MECOM: variants seen among roughly 807,000 people sequenced by gnomAD.
The protein encoded by MECOM is MDS1 and EVI1 complex locus.
In MECOM, 13 loss-of-function variants were observed where a neutral mutation model predicts 116.3. The ratio of observed to expected loss-of-function variants is 0.11; its 90% CI spans 0.07 to 0.18. The LOEUF (loss-of-function observed/expected upper bound fraction) is 0.18. Among genes scored for constraint, MECOM ranks in the 10% least tolerant of loss-of-function variants. The pLI is 1.00. For synonymous variants in MECOM, 528 were observed against 535.2 expected (o/e 0.99, Z 0.19); for missense variants, 1,299 against 1,509.0 (o/e 0.86, Z 2.31).
intron 1 of MECOM, among the ~76,000 whole-genome samples, chr3:169,537,350 TA>T (rs1179202183): frequency 6.6e-6 from 1 of 152,204 alleles, no homozygotes; most frequent in African/African-American, 2.4e-5. Flanking sequence ...CTTTGTATTT[TA>T]CCATGTATTG....
At chr3:169,450,886 G>A (rs1745462982) in intron 1 of MECOM, among the ~76,000 whole-genome samples, 2 of 152,074 alleles carry the variant, frequency 1.3e-5, no homozygotes. Context: ...TTCATAATGG[G>A]AACCGAATGC....
At chr3:169,540,708 AT>A (rs1759960908) in intron 1 of MECOM, among the ~76,000 whole-genome samples, 1 of 152,132 alleles carries the variant, frequency 6.6e-6, no homozygotes, top group African/African-American at 2.4e-5. Flanking sequence ...ATACCCACAC[AT>A]TTGGCCTCCA....
intron 1 of MECOM, among the ~76,000 whole-genome samples, chr3:169,537,482 A>G (rs933267286): frequency 6.6e-6 from 1 of 152,204 alleles, no homozygotes; most frequent in Non-Finnish European, 1.5e-5. Context: ...ATAAAAGTAG[A>G]TTCATCCTGA....
Position 169,381,382 on chromosome 3 carries a change from C to T in MECOM, c.180G>A (p.Glu60=), listed in dbSNP as rs188488402. 350 of 1,613,868 alleles carry T rather than the reference C, an allele frequency of 2.2e-4. No homozygotes were observed. Among genetic ancestry groups the T allele is most frequent in the Non-Finnish European group, 2.8e-4 (331 of 1,179,824 alleles). Residue 60 remains glutamate, a synonymous_variant, in exon 2 of 17, where the codon GAG becomes GAA. Coordinates refer to ENST00000651503, the MANE Select transcript of MECOM (RefSeq NM_004991.4). ...AGATGGGGGCTTTGTAAGGAGAACCCTCCTTTGGAGTGAATGCTTCACTGG... is the reference window on the plus strand; with the variant it reads ...AGATGGGGGCTTTGTAAGGAGAACCTTCCTTTGGAGTGAATGCTTCACTGG... ...ATSSEAFTPK[E]GSPYKAPIYI...
chr3:169,089,995 C>T lies in MECOM; in HGVS notation c.3401+5G>A, dbSNP rs1415247916. 2 of 1,611,862 alleles carry T rather than the reference C, an allele frequency of 1.2e-6. No homozygotes were observed. Among genetic ancestry groups the T allele is most frequent in the Non-Finnish European group, 1.7e-6 (2 of 1,178,944 alleles). ...TTAGTTTCTAAAGTCACCCAAGGTA[C>T]TCACCTCACTGGGGATGTCTTGCAA... On this transcript the variant is annotated splice_donor_5th_base_variant and intron_variant, in intron 15 of 16. Transcript: ENST00000651503.
intron 1 of MECOM, among the ~76,000 whole-genome samples, chr3:169,451,344 A>G (rs1012109739): frequency 6.6e-6 from 1 of 152,234 alleles, no homozygotes; most frequent in Admixed American, 6.5e-5. Flanking sequence ...CTTATACATA[A>G]AAAGAACTCT....
chr3:169,505,770 T>C (rs1180507161), intron 1 of MECOM, among the ~76,000 whole-genome samples: 2 of 152,230 alleles, frequency 1.3e-5, no homozygotes, highest in African/African-American at 4.8e-5. Flanking sequence ...GAAAAGCACA[T>C]GGCACTGTTT....
chr3:169,236,315 C>A (rs542714564), intron 2 of MECOM, among the ~76,000 whole-genome samples: 9 of 152,310 alleles, frequency 5.9e-5, no homozygotes, highest in Non-Finnish European at 1.2e-4. Flanking sequence ...AGGATGCCCC[C>A]ACCATGATAT....
intron 1 of MECOM, among the ~76,000 whole-genome samples, chr3:169,487,353 C>T (rs1008953163): frequency 9.3e-5 from 14 of 151,124 alleles, no homozygotes; most frequent in Non-Finnish European, 1.6e-4. Context: ...AACGAAAACA[C>T]TTGGCAGCAA....
intron 1 of MECOM, among the ~76,000 whole-genome samples, chr3:169,491,848 A>G (rs528782944): frequency 2.6e-5 from 4 of 152,222 alleles, no homozygotes; most frequent in Admixed American, 6.5e-5. Context: ...AATGCTATGA[A>G]TCACATCACA....
intron 1 of MECOM, among the ~76,000 whole-genome samples, chr3:169,569,258 T>A (rs1258703442): frequency 6.6e-6 from 1 of 151,620 alleles, no homozygotes; most frequent in African/African-American, 2.4e-5. Context: ...GGGCATTACA[T>A]AATGGTAAAG....
intron 2 of MECOM, among the ~76,000 whole-genome samples, chr3:169,197,159 A>C (rs1360087957): frequency 6.6e-6 from 1 of 151,886 alleles, no homozygotes; most frequent in Non-Finnish European, 1.5e-5. Context: ...ACCAGGACGC[A>C]CTTTAGGGTG....
At position 169,381,449 on chromosome 3, in the gene MECOM, G is replaced by T. The variant is rs1349174102; in HGVS notation, c.113C>A (p.Thr38Asn). ...TGGCTCTTGAATATTGAGGGAGGGAGTGCTGGCTACTCCATCTGCATCTGG... is the reference window on the plus strand; with the variant it reads ...TGGCTCTTGAATATTGAGGGAGGGATTGCTGGCTACTCCATCTGCATCTGG... ...EMPDADGVAS[T>N]PSLNIQEPCS... is the part of the protein sequence containing the mutation. The change falls in exon 2 of 17, where the codon ACT becomes AAT. Residue 38 changes from threonine (T) to asparagine (N), a missense_variant. Around this residue, in one of 6 missense-constraint regions of MECOM, gnomAD observed 374 missense variants for 433.4 expected, o/e 0.86. Coordinates refer to ENST00000651503, the MANE Select transcript of MECOM (RefSeq NM_004991.4). The T allele has an allele frequency of 6.2e-7, 1 of 1,613,604 alleles. No homozygotes were observed. The highest frequency in any genetic ancestry group is 8.5e-7 in the Non-Finnish European group (1 of 1,179,784).
intron 4 of MECOM, among the ~76,000 whole-genome samples, chr3:169,131,104 C>T (rs1428317028): frequency 2.0e-5 from 3 of 152,156 alleles, no homozygotes; most frequent in Admixed American, 2.0e-4. Flanking sequence ...CAAAATCAAG[C>T]TCCCTGAAAG....
At position 169,477,951 on chromosome 3, in the gene MECOM, G is replaced by A. The variant is rs193111489; in HGVS notation, c.38-96427C>T. On this transcript the variant is annotated intron_variant, in intron 1 of 16. Coordinates refer to ENST00000651503, the MANE Select transcript of MECOM (RefSeq NM_004991.4). ...TACATGCCACAGCAGGATGCCTGTC[G>A]GATAGACAATTAAAGTGGCCCAGGA... Among the ~76,000 whole-genome samples the A allele has an allele frequency of 2.8e-3, 432 of 152,278 alleles. 1 individual carries two copies. The highest frequency in any genetic ancestry group is 9.5e-3 in the African/African-American group (395 of 41,552).
At chr3:169,424,010 C>G (rs1740217174) in intron 1 of MECOM, among the ~76,000 whole-genome samples, 1 of 152,084 alleles carries the variant, frequency 6.6e-6, no homozygotes, top group Admixed American at 6.6e-5. Flanking sequence ...GAGATTTAGT[C>G]TAAGATGCAA....
At chr3:169,466,753 T>C (rs1050537495) in intron 1 of MECOM, among the ~76,000 whole-genome samples, 7 of 152,102 alleles carry the variant, frequency 4.6e-5, no homozygotes, top group African/African-American at 1.7e-4. Context: ...ATTCTGGTAA[T>C]AGGAAACAGT....
rs1273857122 is a variant in MECOM, at chr3:169,116,528, G to A, written c.1344C>T (p.Thr448=). 12 of 1,614,110 alleles carry A rather than the reference G, an allele frequency of 7.4e-6. No homozygotes were observed. In the East Asian group the frequency reaches 2.7e-4, roughly 36 times the overall value. ...FFGQGISLPG[T]PAMDKTSMVN... Reference sequence around the variant, plus strand: ...CCATGGACGTTTTATCCATAGCTGGGGTTCCAGGAAGTGAAATGCCTTGGC... The same window carrying A: ...CCATGGACGTTTTATCCATAGCTGGAGTTCCAGGAAGTGAAATGCCTTGGC... The change falls in exon 8 of 17, where the codon ACC becomes ACT. Residue 448 remains threonine, a synonymous_variant. Transcript: ENST00000651503.
intron 1 of MECOM, among the ~76,000 whole-genome samples, chr3:169,527,007 C>T (rs1162139234): frequency 7.2e-5 from 11 of 152,134 alleles, no homozygotes; most frequent in Admixed American, 2.0e-4. Flanking sequence ...AGACGAGTTT[C>T]GTATTTCTTC....
Sources: gnomAD v4.1 joint callset for allele counts (sites outside exome capture counted in the v4.1 genomes callset) on GRCh38, gnomAD v4.1.1 for gene constraint, gnomAD v4.1.1 regional missense constraint, MANE v1.5 for transcripts, NCBI Gene and HGNC (gene_info 2026-07-23, HGNC 2026-07-21) for gene names.